NRCAM: variants seen among roughly 807,000 people sequenced by gnomAD.
The protein encoded by NRCAM is NgCAM-related cell adhesion molecule.
In NRCAM, 83 loss-of-function variants were observed where a neutral mutation model predicts 156.5. The observed-to-expected ratio is 0.53, with a 90% CI of 0.44 to 0.64. The LOEUF (loss-of-function observed/expected upper bound fraction) is 0.64, where lower values mean the gene tolerates loss of function less well. Ranked by LOEUF, NRCAM falls within the 30% of genes least tolerant of loss-of-function variation. The pLI is 0.00. For missense variants in NRCAM, 1,417 were observed against 1,597.3 expected (o/e 0.89, Z 1.92); for synonymous variants, 538 against 563.9 (o/e 0.95, Z 0.65).
At position 108,255,959 on chromosome 7, in the gene NRCAM, T is replaced by A. The variant is rs542638343; in HGVS notation, c.-106-15789A>T. 5.8e-3 allele frequency among the ~76,000 whole-genome samples: 756 copies of A among 131,472 alleles called. 4 individuals carry two copies. Among genetic ancestry groups the A allele is most frequent in the Non-Finnish European group, 9.3e-3 (554 of 59,652 alleles). The allele number at this position is 131,472 out of a possible 152,430, so 86.3% of individuals were successfully genotyped here. Reference sequence around the variant, plus strand: ...CCAGCCGCCCTGTCCGGGAGGGAGGTGGGGGGCAGCCCCCGCCCGGCCAGC... The same window carrying A: ...CCAGCCGCCCTGTCCGGGAGGGAGGAGGGGGGCAGCCCCCGCCCGGCCAGC... On this transcript the variant is annotated intron_variant, in intron 3 of 32. Coordinates refer to ENST00000379028, the MANE Select transcript of NRCAM (RefSeq NM_001037132.4).
intron 2 of NRCAM, among the ~76,000 whole-genome samples, chr7:108,338,629 GGGGAGA>G (rs1391361165): frequency 1.7e-4 from 15 of 87,330 alleles, no homozygotes; most frequent in Admixed American, 3.9e-4. Context: ...GACACAGAGA[GGGGAGA>G]GACACAGAGA....
intron 3 of NRCAM, among the ~76,000 whole-genome samples, chr7:108,246,815 C>T (rs1355197739): frequency 6.6e-6 from 1 of 152,222 alleles, no homozygotes; most frequent in African/African-American, 2.4e-5. Flanking sequence ...GGCAGGTAGA[C>T]TGTTGCATTG....
chr7:108,426,322 T>C (rs1235288666), intron 1 of NRCAM, among the ~76,000 whole-genome samples: 2 of 152,258 alleles, frequency 1.3e-5, no homozygotes, highest in African/African-American at 2.4e-5. Context: ...ACCTTCTTCA[T>C]TACTGTGCTC....
At chr7:108,445,363 C>T (rs1843063946) in intron 1 of NRCAM, among the ~76,000 whole-genome samples, 1 of 152,128 alleles carries the variant, frequency 6.6e-6, no homozygotes, top group Non-Finnish European at 1.5e-5. Flanking sequence ...TGAGAACAGT[C>T]CTATCCTGCA....
At chr7:108,443,879 T>TATAG (rs142458020) in intron 1 of NRCAM, among the ~76,000 whole-genome samples, 3,184 of 148,206 alleles carry the variant, frequency 0.021, 87 homozygotes, top group African/African-American at 0.065. Context: ...AGTATACAGA[T>TATAG]ATAGATAGAT....
intron 1 of NRCAM, among the ~76,000 whole-genome samples, chr7:108,413,194 T>TA (rs11422101): frequency 0.54 from 81,856 of 152,096 alleles, 24,078 homozygotes; most frequent in East Asian, 0.89. Context: ...CAATACTTCC[T>TA]ACCTTTCATC....
At chr7:108,287,032 G>T (rs2154108456) in intron 3 of NRCAM, among the ~76,000 whole-genome samples, 1 of 152,208 alleles carries the variant, frequency 6.6e-6, no homozygotes, top group African/African-American at 2.4e-5. Context: ...AATAGTGCTT[G>T]AAAATTGAAA....
intron 2 of NRCAM, among the ~76,000 whole-genome samples, chr7:108,324,128 G>T (rs2099036754): frequency 6.6e-6 from 1 of 152,044 alleles, no homozygotes; most frequent in African/African-American, 2.4e-5. Flanking sequence ...CCTGAGCAGG[G>T]GAGTGACATG....
At chr7:108,313,448 T>A (rs1215468999) in intron 2 of NRCAM, among the ~76,000 whole-genome samples, 1 of 152,180 alleles carries the variant, frequency 6.6e-6, no homozygotes, top group Non-Finnish European at 1.5e-5. Flanking sequence ...TTTGGATTTC[T>A]GGAAACAGAA....
intron 2 of NRCAM, among the ~76,000 whole-genome samples, chr7:108,364,704 AACCTT>A (rs918213780): frequency 6.6e-6 from 1 of 151,068 alleles, no homozygotes; most frequent in African/African-American, 2.4e-5. Flanking sequence ...AACATGGATG[AACCTT>A]AAAAACATTA....
At chr7:108,274,557 T>G (rs941109062) in intron 3 of NRCAM, among the ~76,000 whole-genome samples, 2 of 152,212 alleles carry the variant, frequency 1.3e-5, no homozygotes, top group African/African-American at 2.4e-5. Flanking sequence ...TATTGGTGTA[T>G]AGGAATGCTT....
intron 2 of NRCAM, among the ~76,000 whole-genome samples, chr7:108,390,973 A>C (rs1382966678): frequency 6.6e-6 from 1 of 152,084 alleles, no homozygotes; most frequent in African/African-American, 2.4e-5. Context: ...TACATTTGCT[A>C]AGGAGTGCTT....
intron 2 of NRCAM, among the ~76,000 whole-genome samples, chr7:108,335,968 T>C (rs1395488461): frequency 6.6e-6 from 1 of 152,210 alleles, no homozygotes; most frequent in Non-Finnish European, 1.5e-5. Flanking sequence ...AAGACACTAC[T>C]TCTGAAAATG....
chr7:108,425,932 C>G (rs1245353032), intron 1 of NRCAM, among the ~76,000 whole-genome samples: 6 of 152,208 alleles, frequency 3.9e-5, no homozygotes, highest in Non-Finnish European at 8.8e-5. Context: ...CACTATTGCT[C>G]CTGGCTTTCT....
chr7:108,380,450 T>G (rs1047563851), intron 2 of NRCAM, among the ~76,000 whole-genome samples: 4 of 152,208 alleles, frequency 2.6e-5, no homozygotes, highest in Admixed American at 1.3e-4. Flanking sequence ...TTTCTATAAG[T>G]TGTATTTGGT....
chr7:108,202,778 A>G (rs1477246968), intron 13 of NRCAM, among the ~76,000 whole-genome samples: 1 of 152,182 alleles, frequency 6.6e-6, no homozygotes, highest in Non-Finnish European at 1.5e-5. Flanking sequence ...TCACAGTGCC[A>G]GGAAGAGGTC....
intron 3 of NRCAM, among the ~76,000 whole-genome samples, chr7:108,270,873 A>G (rs2097317699): frequency 6.6e-6 from 1 of 152,220 alleles, no homozygotes; most frequent in Non-Finnish European, 1.5e-5. Flanking sequence ...GGAAGAAAGA[A>G]TGGAGAGTTC....
intron 3 of NRCAM, among the ~76,000 whole-genome samples, chr7:108,274,499 T>A (rs929644112): frequency 6.6e-6 from 1 of 152,128 alleles, no homozygotes; most frequent in Non-Finnish European, 1.5e-5. Flanking sequence ...CTCTTTGTAG[T>A]AATTGTGAAT....
chr7:108,403,206 T>A (rs2099798019), intron 1 of NRCAM, among the ~76,000 whole-genome samples: 1 of 152,204 alleles, frequency 6.6e-6, no homozygotes, highest in Non-Finnish European at 1.5e-5. Context: ...GTCTTTTTGT[T>A]AGAAACAAGT....
Sources: allele counts gnomAD v4.1 joint callset (sites outside exome capture counted in the v4.1 genomes callset), GRCh38; gene constraint gnomAD v4.1.1; transcripts MANE v1.5; gene names NCBI Gene and HGNC (gene_info 2026-07-23, HGNC 2026-07-21).